Variants in PBX1 observed in about 807,000 individuals in gnomAD.
PBX1 encodes the protein PBX homeobox 1, also known as pre-B-cell leukemia transcription factor 1.
PBX1 carries 6 observed loss-of-function variants against 53.4 expected under a neutral mutation model. The observed-to-expected ratio is 0.11, with a 90% CI of 0.06 to 0.22. The LOEUF is 0.22. Among genes scored for constraint, PBX1 ranks in the 10% least tolerant of loss-of-function variants. The probability of loss-of-function intolerance (pLI) is 1.00; values close to 1 mark genes in which losing one functional copy is unlikely to be tolerated. For synonymous variants in PBX1, 204 were observed against 212.3 expected (o/e 0.96, Z 0.34); for missense variants, 251 against 551.4 (o/e 0.46, Z 5.46).
chr1:164,834,084 ATATCT>A (rs1670909543), intron 8 of PBX1, among the ~76,000 whole-genome samples: 1 of 110,040 alleles, frequency 9.1e-6, no homozygotes, highest in Non-Finnish European at 2.0e-5. Context: ...CAGAGCTCAG[ATATCT>A]GTGACTGTTT....
chr1:164,594,892 G>C (rs533561832), intron 2 of PBX1, among the ~76,000 whole-genome samples: 32 of 152,162 alleles, frequency 2.1e-4, no homozygotes, highest in Non-Finnish European at 3.7e-4. Flanking sequence ...TATAGATCAG[G>C]ACACTGAGGC....
intron 2 of PBX1, among the ~76,000 whole-genome samples, chr1:164,669,496 A>G (rs999519054): frequency 5.9e-5 from 9 of 152,188 alleles, no homozygotes; most frequent in Non-Finnish European, 1.2e-4. Flanking sequence ...AACTTGTTTC[A>G]CAGAAATTTT....
intron 2 of PBX1, among the ~76,000 whole-genome samples, chr1:164,578,962 C>T (rs374264414): frequency 6.6e-4 from 100 of 152,106 alleles, no homozygotes; most frequent in South Asian, 2.9e-3. Context: ...ACGCCCTCCC[C>T]GCCCCCATTG....
chr1:164,702,387 G>A (rs1000388896), intron 2 of PBX1, among the ~76,000 whole-genome samples: 1 of 152,126 alleles, frequency 6.6e-6, no homozygotes, highest in South Asian at 2.1e-4. Context: ...TATTGACTCA[G>A]CCTTATTTGC....
intron 2 of PBX1, among the ~76,000 whole-genome samples, chr1:164,591,582 T>C (rs2101771778): frequency 6.6e-6 from 1 of 152,352 alleles, no homozygotes; most frequent in Middle Eastern, 3.4e-3. Flanking sequence ...TAATTACTAA[T>C]GATCCTTGCC....
intron 2 of PBX1, among the ~76,000 whole-genome samples, chr1:164,692,451 G>C (rs116595145): frequency 1.3e-5 from 2 of 152,128 alleles, no homozygotes; most frequent in African/African-American, 4.8e-5. Flanking sequence ...GCAGGTTTTC[G>C]TGGAGGAAAT....
At chr1:164,582,831 TC>T (rs1266587430) in intron 2 of PBX1, among the ~76,000 whole-genome samples, 1 of 152,162 alleles carries the variant, frequency 6.6e-6, no homozygotes, top group Non-Finnish European at 1.5e-5. Context: ...GCATAACCCA[TC>T]CACAGCACTC....
chr1:164,849,202 A>C lies in PBX1; in HGVS notation c.*2526A>C. 2 of 1,443,610 alleles carry C rather than the reference A, an allele frequency of 1.4e-6. No individual in the cohort carries two copies. Among genetic ancestry groups the C allele is most frequent in the Non-Finnish European group, 1.8e-6 (2 of 1,096,574 alleles). 89.4% of individuals were successfully genotyped at this position (1,443,610 alleles called of 1,614,324 possible). A position where few individuals can be genotyped will look rare whatever the true frequency, so the allele number is the denominator to read the frequency against. On this transcript the variant is annotated 3_prime_UTR_variant, in exon 9 of 9. Coordinates refer to ENST00000420696, the MANE Select transcript of PBX1 (RefSeq NM_002585.4). ...TCCAGATGTGGCCTGAATAATTGCCATGTTAAGTTAATGCAAAAGATCAGA... is the reference window on the plus strand; with the variant it reads ...TCCAGATGTGGCCTGAATAATTGCCCTGTTAAGTTAATGCAAAAGATCAGA...
chr1:164,773,660 A>C (rs766651624), intron 2 of PBX1, among the ~76,000 whole-genome samples: 9 of 152,150 alleles, frequency 5.9e-5, no homozygotes, highest in Non-Finnish European at 8.8e-5. Flanking sequence ...GGCACATTTC[A>C]GAGCCCTCAA....
At chr1:164,819,977 G>C (rs752594573) in intron 6 of PBX1, 95 bp from the exon 7 acceptor site, 1 of 705,286 alleles carries the variant, frequency 1.4e-6, no homozygotes, top group Non-Finnish European at 2.5e-6. Context: ...TTTGGGGGGG[G>C]TTGCTTTGCA....
chr1:164,788,286 T>A (rs985572424), intron 2 of PBX1, among the ~76,000 whole-genome samples: 1 of 152,200 alleles, frequency 6.6e-6, no homozygotes, highest in African/African-American at 2.4e-5. Flanking sequence ...AATAATCATT[T>A]TGTCTCCTAC....
intron 2 of PBX1, among the ~76,000 whole-genome samples, chr1:164,667,727 A>G (rs1289254404): frequency 1.3e-5 from 2 of 152,248 alleles, no homozygotes; most frequent in Non-Finnish European, 1.5e-5. Context: ...CATTTCAAAT[A>G]CTTGTGCAGG....
intron 2 of PBX1, among the ~76,000 whole-genome samples, chr1:164,729,336 C>T (rs1391093200): frequency 6.6e-6 from 1 of 152,104 alleles, no homozygotes; most frequent in Non-Finnish European, 1.5e-5. Context: ...ACTGAATTAC[C>T]TTCTGCTATT....
At chr1:164,845,390 CAAT>C (rs1671518726) in intron 8 of PBX1, among the ~76,000 whole-genome samples, 2 of 150,142 alleles carry the variant, frequency 1.3e-5, no homozygotes, top group African/African-American at 4.9e-5. Context: ...CAAGCAGCAA[CAAT>C]AATACCTGCC....
intron 2 of PBX1, among the ~76,000 whole-genome samples, chr1:164,706,675 C>T (rs558228693): frequency 6.6e-6 from 1 of 152,080 alleles, no homozygotes; most frequent in East Asian, 1.9e-4. Flanking sequence ...AGCCTTGGTG[C>T]TTTACAAGGT....
At chr1:164,862,681 T>C (rs1672128269) in intron 2 of PBX1, among the ~76,000 whole-genome samples, 1 of 152,080 alleles carries the variant, frequency 6.6e-6, no homozygotes, top group Non-Finnish European at 1.5e-5. Flanking sequence ...GTTTAATGTG[T>C]CATAGTATAG....
At chr1:164,796,863 A>T (rs1307955321) in intron 3 of PBX1, among the ~76,000 whole-genome samples, 1 of 152,196 alleles carries the variant, frequency 6.6e-6, no homozygotes, top group Non-Finnish European at 1.5e-5. Flanking sequence ...TTAATTAACA[A>T]TTGTAACCCC....
downstream of PBX1, among the ~76,000 whole-genome samples, chr1:164,855,124 T>C (rs1304637684): frequency 6.6e-6 from 1 of 152,038 alleles, no homozygotes; most frequent in Non-Finnish European, 1.5e-5. Flanking sequence ...GTTTGTATTT[T>C]CTGTAGAGAT....
At chr1:164,590,087 C>G (rs186430997) in intron 2 of PBX1, among the ~76,000 whole-genome samples, 99 of 152,024 alleles carry the variant, frequency 6.5e-4, no homozygotes, top group African/African-American at 2.3e-3. Context: ...GTGGCACATG[C>G]CTCTAGTCCC....
Sources: gnomAD v4.1 joint callset for allele counts (sites outside exome capture counted in the v4.1 genomes callset) on GRCh38, gnomAD v4.1.1 for gene constraint, MANE v1.5 for transcripts, NCBI Gene and HGNC (gene_info 2026-07-23, HGNC 2026-07-21) for gene names.